The following IL17B variants were observed in gnomAD, a reference collection of about 807,000 sequenced individuals.
IL17B encodes the protein interleukin-17B.
Under a neutral mutation model 14.7 loss-of-function variants are expected in IL17B, and 14 were observed. That is an observed-to-expected ratio of 0.95 (90% confidence interval 0.63 to 1.49). The LOEUF is 1.49. Ranked by LOEUF, IL17B falls within the 40% of genes most tolerant of loss-of-function variation. The pLI, the probability that IL17B is intolerant of heterozygous loss-of-function variation, is 0.00. For missense variants in IL17B, 233 were observed against 252.8 expected (o/e 0.92, Z 0.53); for synonymous variants, 105 against 94.8 (o/e 1.11, Z -0.62).
At chr5:149,390,559 A>T (rs1435888860) in intron 1 of IL17B, among the ~76,000 whole-genome samples, 1 of 131,980 alleles carries the variant, frequency 7.6e-6, no homozygotes, top group Non-Finnish European at 1.6e-5. Flanking sequence ...AGTTTTCCAA[A>T]TCTCACAGCA....
chr5:149,392,983 T>C (rs62380283), intron 1 of IL17B, among the ~76,000 whole-genome samples: 13 of 142,370 alleles, frequency 9.1e-5, no homozygotes, highest in Admixed American at 2.0e-4. Flanking sequence ...CGTGCGTGTG[T>C]GTGTGCGTGT....
At chr5:149,392,270 A>C (rs1396693085) in intron 1 of IL17B, among the ~76,000 whole-genome samples, 3 of 152,168 alleles carry the variant, frequency 2.0e-5, no homozygotes, top group Non-Finnish European at 2.9e-5. Context: ...ATCTTTTCTA[A>C]TTTCTATCTT....
intron 1 of IL17B, among the ~76,000 whole-genome samples, chr5:149,385,364 CA>C (rs72068052): frequency 0.11 from 16,750 of 151,568 alleles, 1,254 homozygotes; most frequent in Non-Finnish European, 0.16. Flanking sequence ...TCAGAAAAAA[CA>C]AAAAAAAATC....
At chr5:149,404,032 G>A (rs571204999) in intron 1 of IL17B, 11 of 152,110 alleles carry the variant, frequency 7.2e-5, no homozygotes, top group African/African-American at 2.2e-4. Flanking sequence ...AGGACTCAAC[G>A]ATGCAAACTC....
chr5:149,377,365 A>ACTTT (rs1758573061), intron 1 of IL17B, among the ~76,000 whole-genome samples: 1 of 151,892 alleles, frequency 6.6e-6, no homozygotes, highest in African/African-American at 2.4e-5. Context: ...ATGCCTCTGG[A>ACTTT]CTTTCTTGGG....
chr5:149,397,904 A>G (rs1032701992), intron 1 of IL17B, among the ~76,000 whole-genome samples: 4 of 152,052 alleles, frequency 2.6e-5, no homozygotes, highest in Non-Finnish European at 5.9e-5. Context: ...GAGAGAGACC[A>G]TTTGCCTTCT....
chr5:149,397,133 T>C (rs9716053), intron 1 of IL17B, among the ~76,000 whole-genome samples: 2 of 152,242 alleles, frequency 1.3e-5, no homozygotes, highest in African/African-American at 4.8e-5. Flanking sequence ...AATTAAGTGA[T>C]ATTCTGCTTT....
At chr5:149,389,970 G>T (rs4705339) in intron 1 of IL17B, among the ~76,000 whole-genome samples, 45,949 of 151,708 alleles carry the variant, frequency 0.3, 6,990 homozygotes, top group African/African-American at 0.32. Context: ...AAGGCAGGGA[G>T]GGGAGACGAG....
intron 2 of IL17B, among the ~76,000 whole-genome samples, chr5:149,376,467 T>C (rs1758538206): frequency 6.6e-6 from 1 of 152,196 alleles, no homozygotes; most frequent in African/African-American, 2.4e-5. Flanking sequence ...CCATGGAGAC[T>C]TGAAGAACAA....
At chr5:149,383,306 G>T (rs1257335853), upstream of IL17B, among the ~76,000 whole-genome samples, 1 of 152,224 alleles carries the variant, frequency 6.6e-6, no homozygotes. Flanking sequence ...TTCCTGGGTA[G>T]GAAGGGCATT....
At chr5:149,389,880 G>C (rs1377606609) in intron 1 of IL17B, among the ~76,000 whole-genome samples, 1 of 152,270 alleles carries the variant, frequency 6.6e-6, no homozygotes, top group Admixed American at 6.5e-5. Flanking sequence ...GGTGGTTTAC[G>C]AAGGCTTGGA....
chr5:149,376,625 C>T (rs1489229134), intron 2 of IL17B, 111 bp downstream of exon 2: 38 of 1,411,698 alleles, frequency 2.7e-5, no homozygotes, highest in Middle Eastern at 2.3e-4. Flanking sequence ...AGCTAGGGTT[C>T]GAACCCAAGC....
chr5:149,385,423 C>G (rs920750609), intron 1 of IL17B, among the ~76,000 whole-genome samples: 8 of 152,194 alleles, frequency 5.3e-5, no homozygotes, highest in African/African-American at 1.9e-4. Flanking sequence ...GCATTACAGG[C>G]GTGAGCCACC....
At chr5:149,382,002 T>A (rs2127618746), upstream of IL17B, among the ~76,000 whole-genome samples, 1 of 152,146 alleles carries the variant, frequency 6.6e-6, no homozygotes, top group East Asian at 1.9e-4. Flanking sequence ...GTGGCCGCGG[T>A]CTCGCTCAGA....
exon 1 of IL17B, chr5:149,404,168 C>T (rs1269942181): frequency 6.6e-6 from 1 of 152,196 alleles, no homozygotes; most frequent in Non-Finnish European, 1.5e-5. Flanking sequence ...GCTGCCTCTC[C>T]CAGTCTGGAA....
chr5:149,377,074 TG>T (rs762135321), intron 1 of IL17B, 49 bp from the exon 2 acceptor site: 2 of 1,473,260 alleles, frequency 1.4e-6, no homozygotes, highest in South Asian at 1.4e-5. Flanking sequence ...AGTCTCTATC[TG>T]GGCCAAGACT....
Position 149,392,198 on chromosome 5 carries a change from T to C in IL17B, n.95+11910A>G, listed in dbSNP as rs114323096. 9.3e-3 allele frequency among the ~76,000 whole-genome samples: 1,420 copies of C among 152,368 alleles called. 17 individuals carry two copies. Among genetic ancestry groups the C allele is most frequent in the African/African-American group, 0.032 (1,346 of 41,594 alleles). ...CAACAGAGGCAGCCCCATGTGGAAA[T>C]GACACAAAGACCAGGACAGGCTTTG... On this transcript the variant is annotated intron_variant and non_coding_transcript_variant, in intron 1 of 2. Coordinates refer to the IL17B transcript ENST00000505432.
At chr5:149,394,969 C>T (rs1282462002) in intron 1 of IL17B, among the ~76,000 whole-genome samples, 1 of 152,108 alleles carries the variant, frequency 6.6e-6, no homozygotes, top group Non-Finnish European at 1.5e-5. Flanking sequence ...TATTTCATCA[C>T]CCAGGTAACA....
intron 1 of IL17B, among the ~76,000 whole-genome samples, chr5:149,394,206 A>C (rs1035292690): frequency 2.0e-5 from 3 of 152,222 alleles, no homozygotes; most frequent in African/African-American, 7.2e-5. Context: ...AACTATATTC[A>C]TGAAGAAATA....
Sources: allele counts gnomAD v4.1 joint callset (sites outside exome capture counted in the v4.1 genomes callset), GRCh38; gene constraint gnomAD v4.1.1; transcripts MANE v1.5; gene names NCBI Gene and HGNC (gene_info 2026-07-23, HGNC 2026-07-21).